BBS9: variants seen among roughly 807,000 people sequenced by gnomAD.
BBS9 encodes the protein Bardet-Biedl syndrome 9.
In BBS9, 89 loss-of-function variants were observed where a neutral mutation model predicts 117.7. The ratio of observed to expected loss-of-function variants is 0.76; its 90% CI spans 0.64 to 0.90. The LOEUF is 0.90. Among genes scored for constraint, BBS9 ranks in the 40% least tolerant of loss-of-function variants. The pLI, the probability that BBS9 is intolerant of heterozygous loss-of-function variation, is 0.00. For synonymous variants in BBS9, 379 were observed against 370.9 expected, an observed-to-expected ratio of 1.02 and a Z score of -0.25; for missense variants, 982 against 1,042.2, an observed-to-expected ratio of 0.94 and a Z score of 0.80.
At chr7:33,431,385 G>A (rs1436411581) in intron 19 of BBS9, among the ~76,000 whole-genome samples, 1 of 152,154 alleles carries the variant, frequency 6.6e-6, no homozygotes, top group Non-Finnish European at 1.5e-5. Context: ...GGCTATCCTA[G>A]TCAGAGTCCG....
At chr7:33,605,069 C>T (rs1272044984) in intron 22 of BBS9, 94 bp downstream of exon 22, 2 of 1,462,262 alleles carry the variant, frequency 1.4e-6, no homozygotes, top group Admixed American at 3.4e-5. Context: ...TTCCGCAAAG[C>T]TGCTTGTTTT....
chr7:33,317,376 G>T, intron 9 of BBS9, among the ~76,000 whole-genome samples: 1 of 149,618 alleles, frequency 6.7e-6, no homozygotes, highest in Non-Finnish European at 1.5e-5. Context: ...AAATCAACTT[G>T]TTACTTAAAA....
At chr7:33,349,739 G>A (rs4604335) in intron 13 of BBS9, among the ~76,000 whole-genome samples, 62,657 of 151,956 alleles carry the variant, frequency 0.41, 13,110 homozygotes, top group East Asian at 0.46. Context: ...CCTGTTTTTA[G>A]ATACTAAAAT....
chr7:33,600,797 G>A (rs112583492), intron 21 of BBS9, among the ~76,000 whole-genome samples: 1 of 152,278 alleles, frequency 6.6e-6, no homozygotes, highest in South Asian at 2.1e-4. Flanking sequence ...TGTGTCCCAT[G>A]CCTCCATCTC....
At chr7:33,154,321 G>A (rs1793781907) in intron 3 of BBS9, among the ~76,000 whole-genome samples, 1 of 152,108 alleles carries the variant, frequency 6.6e-6, no homozygotes, top group Non-Finnish European at 1.5e-5. Context: ...AAGTTTAAAT[G>A]ATCATACATA....
At chr7:33,525,525 T>C (rs1849349472) in intron 20 of BBS9, among the ~76,000 whole-genome samples, 1 of 111,834 alleles carries the variant, frequency 8.9e-6, no homozygotes, top group Admixed American at 1.1e-4. Flanking sequence ...TCTCTTTTGA[T>C]CTTTGTTGGT....
At chr7:33,569,820 A>G (rs986711773) in intron 21 of BBS9, among the ~76,000 whole-genome samples, 5 of 152,204 alleles carry the variant, frequency 3.3e-5, no homozygotes, top group East Asian at 1.9e-4. Context: ...GTGTGCATGC[A>G]CATGCATACA....
At chr7:33,275,789 C>G (rs1800662221) in intron 9 of BBS9, among the ~76,000 whole-genome samples, 1 of 152,098 alleles carries the variant, frequency 6.6e-6, no homozygotes, top group Admixed American at 6.5e-5. Context: ...GAGAAAAGTG[C>G]AAAGGTATGG....
intron 21 of BBS9, among the ~76,000 whole-genome samples, chr7:33,557,050 A>G (rs918576908): frequency 2.0e-5 from 3 of 152,146 alleles, no homozygotes; most frequent in African/African-American, 7.2e-5. Context: ...CATTTTAGGC[A>G]TGAATTTTAT....
intron 9 of BBS9, among the ~76,000 whole-genome samples, chr7:33,280,830 G>A (rs1300687523): frequency 1.4e-5 from 2 of 148,030 alleles, no homozygotes; most frequent in South Asian, 2.1e-4. Flanking sequence ...TCTTGAAACC[G>A]AATTTATTAG....
chr7:33,429,801 G>A (rs1403697763), intron 19 of BBS9, among the ~76,000 whole-genome samples: 1 of 152,118 alleles, frequency 6.6e-6, no homozygotes, highest in Non-Finnish European at 1.5e-5. Context: ...TTTTGTCGCA[G>A]TGGTTTCATA....
chr7:33,444,962 C>T (rs1293340497), intron 19 of BBS9, among the ~76,000 whole-genome samples: 1 of 152,094 alleles, frequency 6.6e-6, no homozygotes, highest in Non-Finnish European at 1.5e-5. Flanking sequence ...GCTGGATTGT[C>T]CATAATTTTC....
intron 21 of BBS9, among the ~76,000 whole-genome samples, chr7:33,540,979 GT>G: frequency 6.6e-6 from 1 of 152,242 alleles, no homozygotes; most frequent in Non-Finnish European, 1.5e-5. Context: ...AATGAGACAG[GT>G]TTCCTCATAG....
rs373253063 is a variant in BBS9, at chr7:33,216,581, AG to A, written c.442+38992del. The stretch of plus-strand genomic sequence containing the variant: ...ATCTACGGGAAGTATAAAGGCAATC[AG>A]GTAATAAACTCATTGAAAATCAGTT... On this transcript the variant is annotated intron_variant, in intron 5 of 22. Transcript: ENST00000242067. Among the ~76,000 whole-genome samples the A allele has an allele frequency of 2.7e-3, 415 of 152,368 alleles. 1 individual carries two copies. Among genetic ancestry groups the A allele is most frequent in the African/African-American group, 9.7e-3 (404 of 41,582 alleles).
intron 19 of BBS9, among the ~76,000 whole-genome samples, chr7:33,393,462 G>A (rs186175995): frequency 1.3e-5 from 2 of 152,256 alleles, no homozygotes; most frequent in East Asian, 3.9e-4. Context: ...AGAACAAAGG[G>A]TCCTGTATTT....
chr7:33,223,118 A>G (rs934772424), intron 5 of BBS9, among the ~76,000 whole-genome samples: 1 of 151,900 alleles, frequency 6.6e-6, no homozygotes, highest in Non-Finnish European at 1.5e-5. Flanking sequence ...AATTATATAT[A>G]CATTTATTTT....
chr7:33,444,454 A>G (rs1165275747), intron 19 of BBS9, among the ~76,000 whole-genome samples: 1 of 152,224 alleles, frequency 6.6e-6, no homozygotes, highest in Admixed American at 6.5e-5. Flanking sequence ...GCCATAATGA[A>G]CAGCTTAATC....
intron 6 of BBS9, among the ~76,000 whole-genome samples, chr7:33,261,108 A>G (rs1286496123): frequency 2.6e-5 from 4 of 151,084 alleles, no homozygotes; most frequent in Admixed American, 2.6e-4. Flanking sequence ...CTATGTCTGA[A>G]GTGCTTTTCC....
chr7:33,309,194 T>C (rs561095289), intron 9 of BBS9, among the ~76,000 whole-genome samples: 4 of 152,294 alleles, frequency 2.6e-5, no homozygotes, highest in African/African-American at 4.8e-5. Flanking sequence ...GAGGATTACA[T>C]AGAAGTAGTT....
Sources: allele counts gnomAD v4.1 joint callset (sites outside exome capture counted in the v4.1 genomes callset), GRCh38; gene constraint gnomAD v4.1.1; transcripts MANE v1.5; gene names NCBI Gene and HGNC (gene_info 2026-07-23, HGNC 2026-07-21).